The following AGMO variants were observed in gnomAD, a reference collection of about 807,000 sequenced individuals.
AGMO encodes the protein glyceryl-ether monooxygenase.
Under a neutral mutation model 60.2 loss-of-function variants are expected in AGMO, and 75 were observed. The observed-to-expected ratio is 1.25, with a 90% CI of 1.03 to 1.51. AGMO has a LOEUF of 1.51. Ranked by LOEUF, AGMO falls within the 40% of genes most tolerant of loss-of-function variation. AGMO has a pLI of 0.00. For missense variants in AGMO, 763 were observed against 525.5 expected, an observed-to-expected ratio of 1.45 and a Z score of -4.42; for synonymous variants, 261 against 177.1, an observed-to-expected ratio of 1.47 and a Z score of -3.76.
At chr7:15,326,521 T>G (rs1313890345) in intron 12 of AGMO, among the ~76,000 whole-genome samples, 1 of 152,212 alleles carries the variant, frequency 6.6e-6, no homozygotes, top group Non-Finnish European at 1.5e-5. Context: ...CTCTCAAGGA[T>G]GCTTACTAAT....
the AGMO span, among the ~76,000 whole-genome samples, chr7:15,150,680 A>T: frequency 6.6e-6 from 1 of 152,160 alleles, no homozygotes; most frequent in South Asian, 2.1e-4. Context: ...TTAGCTTTTT[A>T]ATGTACAGCT....
At chr7:15,198,085 T>C (rs1781165104), downstream of AGMO, among the ~76,000 whole-genome samples, 1 of 152,104 alleles carries the variant, frequency 6.6e-6, no homozygotes, top group Non-Finnish European at 1.5e-5. Flanking sequence ...CTCTATCTTT[T>C]CTTATGGTAG....
intron 12 of AGMO, among the ~76,000 whole-genome samples, chr7:15,330,357 G>C (rs1455739741): frequency 6.6e-6 from 1 of 152,076 alleles, no homozygotes; most frequent in African/African-American, 2.4e-5. Context: ...TTCAGAAATG[G>C]GCTTGTTCTT....
At chr7:15,336,571 T>A (rs1385225925) in intron 12 of AGMO, among the ~76,000 whole-genome samples, 1 of 152,154 alleles carries the variant, frequency 6.6e-6, no homozygotes. Context: ...AGCAAATGAT[T>A]TTGGGAAATT....
At chr7:15,375,546 G>A (rs1282650135) in intron 10 of AGMO, among the ~76,000 whole-genome samples, 1 of 151,772 alleles carries the variant, frequency 6.6e-6, no homozygotes, top group Non-Finnish European at 1.5e-5. Context: ...ACAGACACCT[G>A]CCACCGCACC....
chr7:15,370,075 T>A (rs1783142078), intron 10 of AGMO, among the ~76,000 whole-genome samples: 1 of 152,116 alleles, frequency 6.6e-6, no homozygotes, highest in Non-Finnish European at 1.5e-5. Context: ...TATTCCTTAG[T>A]CCCCAGTGTC....
chr7:15,447,858 G>T (rs1448386543), intron 3 of AGMO, among the ~76,000 whole-genome samples: 1 of 152,092 alleles, frequency 6.6e-6, no homozygotes, highest in African/African-American at 2.4e-5. Context: ...AGCCTGCAAT[G>T]TTCTCACTTC....
At chr7:15,495,842 C>CTCTCCT (rs1554279307) in intron 3 of AGMO, among the ~76,000 whole-genome samples, 6 of 136,060 alleles carry the variant, frequency 4.4e-5, no homozygotes, top group Admixed American at 7.1e-5. Flanking sequence ...CTCTCTCTCT[C>CTCTCCT]CTCTCTCTCT....
At chr7:15,509,719 A>C (rs1213084932) in intron 3 of AGMO, among the ~76,000 whole-genome samples, 1 of 152,190 alleles carries the variant, frequency 6.6e-6, no homozygotes, top group Non-Finnish European at 1.5e-5. Context: ...TCAGTAAAAA[A>C]ATCCAAATGA....
At chr7:15,466,331 G>T (rs1328601904) in intron 3 of AGMO, among the ~76,000 whole-genome samples, 2 of 152,148 alleles carry the variant, frequency 1.3e-5, no homozygotes, top group Non-Finnish European at 2.9e-5. Context: ...TGAATTTTAT[G>T]CATCCTTGCT....
At chr7:15,399,771 G>T (rs1036617044) in intron 5 of AGMO, among the ~76,000 whole-genome samples, 4 of 152,024 alleles carry the variant, frequency 2.6e-5, no homozygotes, top group African/African-American at 9.7e-5. Flanking sequence ...CATTTCCCCT[G>T]ACCAAAAATA....
intron 9 of AGMO, among the ~76,000 whole-genome samples, chr7:15,387,023 G>A (rs1783942974): frequency 6.6e-6 from 1 of 152,120 alleles, no homozygotes; most frequent in African/African-American, 2.4e-5. Flanking sequence ...TTTCATGAGT[G>A]GAGTTAAGTT....
intron 5 of AGMO, among the ~76,000 whole-genome samples, chr7:15,395,890 G>A (rs1192166889): frequency 6.6e-6 from 1 of 152,120 alleles, no homozygotes; most frequent in Non-Finnish European, 1.5e-5. Flanking sequence ...CTCAATACAT[G>A]TGAATAGGTG....
intron 12 of AGMO, among the ~76,000 whole-genome samples, chr7:15,255,971 G>A (rs934542645): frequency 6.6e-6 from 1 of 152,172 alleles, no homozygotes; most frequent in Non-Finnish European, 1.5e-5. Flanking sequence ...ACAGATATCA[G>A]GGAGGTGAAG....
At chr7:15,407,552 T>C (rs1784739142) in intron 5 of AGMO, among the ~76,000 whole-genome samples, 1 of 151,690 alleles carries the variant, frequency 6.6e-6, no homozygotes, top group Non-Finnish European at 1.5e-5. Context: ...GATATGCTGA[T>C]TCAGGGTAGT....
the AGMO span, among the ~76,000 whole-genome samples, chr7:15,189,008 T>C: frequency 3.3e-5 from 5 of 152,152 alleles, no homozygotes; most frequent in Admixed American, 2.0e-4. Context: ...GAGATAAACA[T>C]GGCTAGCTGG....
Position 15,517,389 on chromosome 7 carries a change from G to A in AGMO, c.409+27383C>T, listed in dbSNP as rs115501252. ...GATTCCCGAGCAAGATGGTCGAATA[G>A]AAACAGCTCTGGTCTGCAGCTCCCA... On this transcript the variant is annotated intron_variant, in intron 3 of 12. Coordinates refer to ENST00000342526, the MANE Select transcript of AGMO (RefSeq NM_001004320.2). 3.2e-3 allele frequency among the ~76,000 whole-genome samples: 491 copies of A among 151,488 alleles called. 4 individuals carry two copies. Among genetic ancestry groups the A allele is most frequent in the African/African-American group, 0.011 (461 of 41,238 alleles).
chr7:15,206,168 T>G (rs1035128789), intron 12 of AGMO, among the ~76,000 whole-genome samples: 2 of 152,030 alleles, frequency 1.3e-5, no homozygotes, highest in African/African-American at 2.4e-5. Flanking sequence ...ATAAGCACAA[T>G]GGAACTAGAA....
At chr7:15,238,734 C>A (rs1053181340) in intron 12 of AGMO, among the ~76,000 whole-genome samples, 1 of 151,652 alleles carries the variant, frequency 6.6e-6, no homozygotes, top group Non-Finnish European at 1.5e-5. Flanking sequence ...ACAAATTGCA[C>A]CAATTAAGGG....
Sources: allele counts gnomAD v4.1 joint callset (sites outside exome capture counted in the v4.1 genomes callset), GRCh38; gene constraint gnomAD v4.1.1; transcripts MANE v1.5; gene names NCBI Gene and HGNC (gene_info 2026-07-23, HGNC 2026-07-21).